RGPD3: variants seen among roughly 807,000 people sequenced by gnomAD.
RGPD3 encodes ranBP2-like and GRIP domain-containing protein 3.
RGPD3 carries 62 observed loss-of-function variants against 154.5 expected under a neutral mutation model. The observed-to-expected ratio is 0.40, with a 90% CI of 0.33 to 0.50. RGPD3 has a LOEUF of 0.50. RGPD3 is among the 20% of genes least tolerant of loss of function. RGPD3 has a pLI of 0.59. For synonymous variants in RGPD3, 308 were observed against 607.0 expected, an observed-to-expected ratio of 0.51 and a Z score of 7.24; for missense variants, 919 against 1,716.8, an observed-to-expected ratio of 0.54 and a Z score of 8.21.
chr2:106,466,177 A>G (rs1678576166), intron 1 of RGPD3, among the ~76,000 whole-genome samples: 1 of 151,796 alleles, frequency 6.6e-6, no homozygotes, highest in African/African-American at 2.4e-5. Context: ...CGTCGGGAAC[A>G]AGCCGGGAGA....
chr2:106,411,720 A>C (rs1022784396), intron 22 of RGPD3, among the ~76,000 whole-genome samples: 1 of 152,078 alleles, frequency 6.6e-6, no homozygotes, highest in Admixed American at 6.6e-5. Context: ...TGGGAGGCTG[A>C]GGCAGGAGAA....
Position 106,404,657 on chromosome 2 carries a change from G to A in RGPD3, c.*562C>T, listed in dbSNP as rs567010195. Among the ~76,000 whole-genome samples the A allele has an allele frequency of 3.4e-4, 33 of 97,658 alleles. 3 individuals carry two copies. The South Asian group carries it at 4.5e-3, about 13-fold the overall frequency. 64.1% of individuals were successfully genotyped at this position (97,658 alleles called of 152,430 possible). On this transcript the variant is annotated 3_prime_UTR_variant, in exon 23 of 23. Transcript: ENST00000409886. Reference sequence around the variant, plus strand: ...TTATTATTTTTAGAGACAAGGTCTCGCTCTGTTCCCCGAGCTGGAGTGCAG... The same window carrying A: ...TTATTATTTTTAGAGACAAGGTCTCACTCTGTTCCCCGAGCTGGAGTGCAG...
rs200027264 is a variant in RGPD3, at chr2:106,412,762, T to C, written c.5266+322A>G. 3,193 of 511,028 alleles carry C rather than the reference T, an allele frequency of 6.2e-3. 28 individuals are homozygous for C. Among genetic ancestry groups the C allele is most frequent in the Middle Eastern group, 8.7e-3 (15 of 1,720 alleles). 31.7% of individuals were successfully genotyped at this position (511,028 alleles called of 1,614,324 possible). A position where few individuals can be genotyped will look rare whatever the true frequency, so the allele number is the denominator to read the frequency against. On this transcript the variant is annotated intron_variant, in intron 22 of 22. Coordinates refer to ENST00000409886, the MANE Select transcript of RGPD3 (RefSeq NM_001144013.2). ...AAGGAACAAGCTAATAAATGTTTTT[T>C]AAAAAGTAGAATTTAAAACAAAACC...
Position 106,425,117 on chromosome 2 carries a change from C to G in RGPD3, c.2850G>C (p.Gln950His), listed in dbSNP as rs778636723. 3 of 1,611,986 alleles carry G rather than the reference C, an allele frequency of 1.9e-6. No homozygotes were observed. In the East Asian group the frequency reaches 6.7e-5, roughly 36 times the overall value. Residue 950 changes from glutamine (Q) to histidine (H), a missense_variant, in exon 20 of 23, where the codon CAG becomes CAC. By Grantham distance (24) the Gln-to-His change is conservative. Transcript: ENST00000409886. ...GGCCCTTCTTCCGGCCACTAATATCCTGAGCCTGTAAGCCAGTATCATTTT... is the reference window on the plus strand; with the variant it reads ...GGCCCTTCTTCCGGCCACTAATATCGTGAGCCTGTAAGCCAGTATCATTTT... ...PLENDTGLQAQDISGRKKGRG... is the reference protein window; with the variant it reads ...PLENDTGLQAHDISGRKKGRG...
At chr2:106,465,934 C>T (rs1177876078) in intron 1 of RGPD3, among the ~76,000 whole-genome samples, 2 of 151,858 alleles carry the variant, frequency 1.3e-5, no homozygotes, top group Non-Finnish European at 2.9e-5. Context: ...CCTTGTCACT[C>T]GACGCAGCCG....
intron 1 of RGPD3, among the ~76,000 whole-genome samples, chr2:106,466,483 C>A (rs1229506282): frequency 3.7e-5 from 5 of 133,756 alleles, no homozygotes; most frequent in Non-Finnish European, 3.3e-5. Flanking sequence ...GGCGCCTCAA[C>A]AGAGCGCGCC....
intron 6 of RGPD3, among the ~76,000 whole-genome samples, chr2:106,449,470 A>T (rs1406718595): frequency 6.6e-6 from 1 of 150,518 alleles, no homozygotes; most frequent in Non-Finnish European, 1.5e-5. Context: ...CTGTCTCAAA[A>T]AAAAAAAAAA....
chr2:106,403,769 T>C lies in RGPD3; in HGVS notation c.*1450A>G, dbSNP rs879199794. Among the ~76,000 whole-genome samples, 2 of 152,368 alleles carry C rather than the reference T, an allele frequency of 1.3e-5. No individual in the cohort carries two copies. The highest frequency in any genetic ancestry group is 3.9e-4 in the East Asian group (2 of 5,168). Reference sequence around the variant, plus strand: ...GTTCTTCTAAGGAGGAAAGACGAGATATATGAGATATTTTTTAAAGAACAA... The same window carrying C: ...GTTCTTCTAAGGAGGAAAGACGAGACATATGAGATATTTTTTAAAGAACAA... On this transcript the variant is annotated 3_prime_UTR_variant, in exon 23 of 23. Transcript: ENST00000409886.
At chr2:106,468,049 ATCGAGGCCGCCGCAGGGCCAGG>A (rs1678691559) in intron 1 of RGPD3, among the ~76,000 whole-genome samples, 146 bp downstream of exon 1, 1 of 144,114 alleles carries the variant, frequency 6.9e-6, no homozygotes, top group Non-Finnish European at 1.5e-5. Context: ...CGCCTGAGCC[ATCGAGGCCGCCGCAGGGCCAGG>A]TCGAGGCCGC....
chr2:106,405,100 C>T lies in RGPD3; in HGVS notation c.*119G>A, dbSNP rs1676465891. The T allele has an allele frequency of 2.1e-6, 3 of 1,411,380 alleles. No homozygotes were observed. Among genetic ancestry groups the T allele is most frequent in the Non-Finnish European group, 2.0e-6 (2 of 1,015,270 alleles). The allele number at this position is 1,411,380 out of a possible 1,614,324, so 87.4% of individuals were successfully genotyped here. A position where few individuals can be genotyped will look rare whatever the true frequency, so the allele number is the denominator to read the frequency against. ...TTGACAAAAGAATGATGGTAATACA[C>T]ATGAACCATTTTTGTAAATAGATTT... On this transcript the variant is annotated 3_prime_UTR_variant, in exon 23 of 23. Coordinates refer to ENST00000409886, the MANE Select transcript of RGPD3 (RefSeq NM_001144013.2).
At chr2:106,465,335 C>T (rs556460979) in intron 1 of RGPD3, among the ~76,000 whole-genome samples, 2 of 152,264 alleles carry the variant, frequency 1.3e-5, no homozygotes, top group East Asian at 1.9e-4. Context: ...CGCTGAAATC[C>T]CCAGGTTCTA....
At chr2:106,466,282 G>A (rs1383659583) in intron 1 of RGPD3, among the ~76,000 whole-genome samples, 1 of 151,720 alleles carries the variant, frequency 6.6e-6, no homozygotes, top group Non-Finnish European at 1.5e-5. Flanking sequence ...ACAGGACTGC[G>A]CCAGCCGGCG....
Position 106,454,592 on chromosome 2 carries a change from CA to C in RGPD3, c.406-1667del, listed in dbSNP as rs71276405. Among the ~76,000 whole-genome samples, 60 of 119,852 alleles carry C rather than the reference CA, an allele frequency of 5.0e-4. 2 individuals carry two copies. The highest frequency in any genetic ancestry group is 3.4e-3 in the South Asian group (12 of 3,512). 78.6% of individuals were successfully genotyped at this position (119,852 alleles called of 152,430 possible). A position where few individuals can be genotyped will look rare whatever the true frequency, so the allele number is the denominator to read the frequency against. On this transcript the variant is annotated intron_variant, in intron 4 of 22. Coordinates refer to ENST00000409886, the MANE Select transcript of RGPD3 (RefSeq NM_001144013.2). ...TTATAAATCTCATGGATTTCAATTC[CA>C]AAAAAAAAAATCTGATACAGGAAAG...
At chr2:106,449,635 T>C (rs1678049251) in intron 6 of RGPD3, among the ~76,000 whole-genome samples, 1 of 152,028 alleles carries the variant, frequency 6.6e-6, no homozygotes, top group Non-Finnish European at 1.5e-5. Flanking sequence ...CCCAGCACTT[T>C]GGAAGGCCAA....
chr2:106,413,067 A>G lies in RGPD3; in HGVS notation c.5266+17T>C, dbSNP rs766793900. ...TAAGTTAGAAGTCAGAAGTTCTGAG[A>G]CTCTCCTTTTACCCACCTTGAGCAA... On this transcript the variant is annotated intron_variant, in intron 22 of 22. Coordinates refer to ENST00000409886, the MANE Select transcript of RGPD3 (RefSeq NM_001144013.2). 6.2e-7 allele frequency: 1 copy of G among 1,609,400 alleles called. No individual in the cohort carries two copies. The highest frequency in any genetic ancestry group is 2.2e-5 in the East Asian group (1 of 44,678).
rs1332036132 is a variant in RGPD3, at chr2:106,468,378, A to T, written c.-90T>A. ...TCCAAGAGGAAAGCGCCTGAAAGCC[A>T]CTGAGGCAGCGGCGTAGCCGGCGGA... is the stretch of plus-strand genomic sequence containing the variant. On this transcript the variant is annotated 5_prime_UTR_variant, in exon 1 of 23. Transcript: ENST00000409886. 2 of 1,544,386 alleles carry T rather than the reference A, an allele frequency of 1.3e-6. No individual in the cohort carries two copies. The highest frequency in any genetic ancestry group is 1.7e-6 in the Non-Finnish European group (2 of 1,143,770).
intron 1 of RGPD3, among the ~76,000 whole-genome samples, chr2:106,467,161 C>T (rs866589447): frequency 5.3e-5 from 1 of 18,802 alleles, no homozygotes; most frequent in Non-Finnish European, 1.1e-4. Flanking sequence ...GGAGCCATGA[C>T]GCCTGAGCCA....
chr2:106,441,674 G>A (rs1677745327), intron 7 of RGPD3, among the ~76,000 whole-genome samples: 1 of 149,204 alleles, frequency 6.7e-6, no homozygotes, highest in Admixed American at 6.7e-5. Context: ...GGCCAACATG[G>A]TGAAACACAG....
intron 20 of RGPD3, among the ~76,000 whole-genome samples, chr2:106,422,760 C>T (rs1465134586): frequency 2.0e-5 from 3 of 148,966 alleles, no homozygotes; most frequent in African/African-American, 7.4e-5. Flanking sequence ...CACGTTAATG[C>T]GCATGATTCA....
Sources: allele counts gnomAD v4.1 joint callset (sites outside exome capture counted in the v4.1 genomes callset), GRCh38; gene constraint gnomAD v4.1.1; transcripts MANE v1.5; gene names NCBI Gene and HGNC (gene_info 2026-07-23, HGNC 2026-07-21).